The following NCR1 variants were observed in gnomAD, a reference collection of about 807,000 sequenced individuals.
NCR1 encodes the protein natural cytotoxicity triggering receptor 1.
A neutral mutation model predicts 32.5 loss-of-function variants in NCR1; 30 were observed. The ratio of observed to expected loss-of-function variants is 0.92; its 90% CI spans 0.69 to 1.25. NCR1 has a LOEUF of 1.25. Among genes scored for constraint, NCR1 ranks in the 50% most tolerant of loss-of-function variants. The pLI, the probability that NCR1 is intolerant of heterozygous loss-of-function variation, is 0.00. For missense variants in NCR1, 369 were observed against 380.7 expected (o/e 0.97, Z 0.26); for synonymous variants, 169 against 143.4 (o/e 1.18, Z -1.28).
chr19:54,903,400 ATG>A (rs587652650), upstream of NCR1, among the ~76,000 whole-genome samples: 7 of 139,688 alleles, frequency 5.0e-5, no homozygotes, highest in Admixed American at 4.3e-4. Flanking sequence ...ATATATGTAT[ATG>A]TATGTATACA....
At chr19:54,934,833 C>T in the NCR1 span, among the ~76,000 whole-genome samples, 38 of 152,162 alleles carry the variant, frequency 2.5e-4, no homozygotes, top group South Asian at 4.2e-4. This position sits in a 1 kb window ranked among gnomAD's most constrained non-coding sequence, Gnocchi z 6.7. Flanking sequence ...CCTCAGCCTC[C>T]GAAGTAGCTG....
chr19:54,934,593 C>G, the NCR1 span: 9 of 1,614,118 alleles, frequency 5.6e-6, no homozygotes, highest in Non-Finnish European at 7.6e-6. This position sits in a 1 kb window ranked among gnomAD's most constrained non-coding sequence, Gnocchi z 6.7. Context: ...GCTTCAGGGA[C>G]TGGTTGGCTT....
the NCR1 span, among the ~76,000 whole-genome samples, chr19:54,931,340 C>A: frequency 6.6e-6 from 1 of 151,870 alleles, no homozygotes; most frequent in African/African-American, 2.4e-5. Context: ...GGGTGAATCA[C>A]AAGATCAGGA....
At chr19:54,906,440 G>A in intron 2 of NCR1, 83 bp from the exon 3 acceptor site, 3 of 1,600,194 alleles carry the variant, frequency 1.9e-6, no homozygotes, top group African/African-American at 2.7e-5. Flanking sequence ...CTTCCCAGGA[G>A]AGCTTGGGGC....
At chr19:54,934,890 T>A in the NCR1 span, among the ~76,000 whole-genome samples, 1 of 152,058 alleles carries the variant, frequency 6.6e-6, no homozygotes, top group Admixed American at 6.6e-5. This position sits in a 1 kb window ranked among gnomAD's most constrained non-coding sequence, Gnocchi z 6.7. Context: ...AGAGACGGGA[T>A]TTCACCATGT....
chr19:54,925,167 A>G, the NCR1 span, among the ~76,000 whole-genome samples: 1 of 152,098 alleles, frequency 6.6e-6, no homozygotes, highest in Admixed American at 6.6e-5. Context: ...TGGCCTCCCA[A>G]AGGAGGAACT....
chr19:54,899,947 A>G, the NCR1 span, among the ~76,000 whole-genome samples: 1 of 152,310 alleles, frequency 6.6e-6, no homozygotes, highest in Admixed American at 6.5e-5. Flanking sequence ...ACTGAAATTA[A>G]GAGAAGGGAG....
the NCR1 span, chr19:54,933,607 C>T: frequency 2.5e-6 from 4 of 1,614,238 alleles, no homozygotes; most frequent in East Asian, 8.9e-5. Context: ...AACTCAAGCC[C>T]TCACACAGAA....
downstream of NCR1, among the ~76,000 whole-genome samples, chr19:54,914,404 T>A (rs546849993): frequency 1.3e-5 from 2 of 152,158 alleles, no homozygotes; most frequent in Admixed American, 6.6e-5. Context: ...AGTGGTGCAA[T>A]CTTGGCTCAC....
chr19:54,915,852 A>C (rs2068121831), downstream of NCR1: 4 of 146,786 alleles, frequency 2.7e-5, no homozygotes, highest in African/African-American at 1.1e-4. Flanking sequence ...AAAAAAAAAA[A>C]AAAAAAAACC....
chr19:54,904,939 C>T (rs2067483724), upstream of NCR1, among the ~76,000 whole-genome samples: 4 of 152,120 alleles, frequency 2.6e-5, no homozygotes, highest in South Asian at 2.1e-4. Flanking sequence ...GGCTGTATAG[C>T]GTTCTGTGGT....
the NCR1 span, chr19:54,936,140 T>C: frequency 1.2e-6 from 1 of 857,654 alleles, no homozygotes; most frequent in Admixed American, 2.0e-5. Context: ...ACAGGCCTGT[T>C]TGAGGAATAC....
At chr19:54,903,702 T>TA (rs199952856), upstream of NCR1, among the ~76,000 whole-genome samples, 4 of 149,290 alleles carry the variant, frequency 2.7e-5, no homozygotes, top group East Asian at 7.9e-4. Flanking sequence ...TGTATATATA[T>TA]AAAAGGTATA....
upstream of NCR1, among the ~76,000 whole-genome samples, chr19:54,903,844 G>T (rs2067382874): frequency 6.6e-6 from 1 of 151,218 alleles, no homozygotes; most frequent in East Asian, 1.9e-4. Context: ...ATGTTTCTTG[G>T]CTGGGTGTGG....
At chr19:54,924,152 G>C in the NCR1 span, among the ~76,000 whole-genome samples, 351 of 152,260 alleles carry the variant, frequency 2.3e-3, 1 homozygote, top group African/African-American at 8.1e-3. Context: ...ATTTACAGTA[G>C]AGATGGGGTT....
At chr19:54,900,561 G>T in the NCR1 span, among the ~76,000 whole-genome samples, 1 of 152,096 alleles carries the variant, frequency 6.6e-6, no homozygotes, top group African/African-American at 2.4e-5. Context: ...GGCCACAGGG[G>T]GATATGATGG....
chr19:54,938,197 C>T, the NCR1 span: 8 of 1,614,034 alleles, frequency 5.0e-6, no homozygotes, highest in South Asian at 2.2e-5. Flanking sequence ...GCGAAGAGAG[C>T]GAAGATCCTG....
At chr19:54,930,078 G>A in the NCR1 span, among the ~76,000 whole-genome samples, 2 of 142,276 alleles carry the variant, frequency 1.4e-5, no homozygotes, top group African/African-American at 2.6e-5. Flanking sequence ...TCGCGCCACT[G>A]CACTCCAGCC....
chr19:54,903,320 GTA>G (rs587690175), upstream of NCR1, among the ~76,000 whole-genome samples: 1 of 122,996 alleles, frequency 8.1e-6, no homozygotes, highest in Non-Finnish European at 1.7e-5. Flanking sequence ...ATACATACAT[GTA>G]TATATACATG....
Sources: allele counts gnomAD v4.1 joint callset (sites outside exome capture counted in the v4.1 genomes callset), GRCh38; gene constraint gnomAD v4.1.1; non-coding constraint Gnocchi (gnomAD v3.1); transcripts MANE v1.5; gene names NCBI Gene and HGNC (gene_info 2026-07-23, HGNC 2026-07-21).